The following EOGT variants were observed in gnomAD, a reference collection of about 807,000 sequenced individuals.
EOGT encodes the protein EGF domain specific O-linked N-acetylglucosamine transferase, also known as EGF domain-specific O-linked N-acetylglucosamine transferase.
In EOGT, 55 loss-of-function variants were observed where a neutral mutation model predicts 70.5. The observed-to-expected ratio is 0.78, with a 90% CI of 0.63 to 0.98. EOGT has a LOEUF of 0.98. Among genes scored for constraint, EOGT ranks in the 50% least tolerant of loss-of-function variants. EOGT has a pLI of 0.00. For synonymous variants in EOGT, 246 were observed against 217.1 expected, an observed-to-expected ratio of 1.13 and a Z score of -1.17; for missense variants, 703 against 641.9, an observed-to-expected ratio of 1.10 and a Z score of -1.03.
chr3:69,010,056 T>C (rs2091538956), intron 3 of EOGT, among the ~76,000 whole-genome samples, 196 bp from the exon 4 acceptor site: 1 of 152,088 alleles, frequency 6.6e-6, no homozygotes, highest in South Asian at 2.1e-4. Context: ...AGGCACCACG[T>C]TAGCAAATGG....
intron 13 of EOGT, 75 bp downstream of exon 13, chr3:68,988,220 T>G (rs1472354741): frequency 2.9e-6 from 3 of 1,024,922 alleles, no homozygotes; most frequent in Non-Finnish European, 4.3e-6. Context: ...TATTTCTGTT[T>G]CTGAAAAGGT....
Position 68,987,454 on chromosome 3 carries a change from G to A in EOGT, c.1143C>T (p.Asn381=). 1 of 1,612,804 alleles carries A rather than the reference G, an allele frequency of 6.2e-7. No homozygotes were observed. The highest frequency in any genetic ancestry group is 8.5e-7 in the Non-Finnish European group (1 of 1,179,318). The change falls in exon 14 of 18, where the codon AAC becomes AAT. Residue 381 remains asparagine, a synonymous_variant. Transcript: ENST00000383701. ...CATACCAAAAACTAACCTCATTTTGGTTAAGGATTTTCCGGTATTCTGTGC... is the reference window on the plus strand; with the variant it reads ...CATACCAAAAACTAACCTCATTTTGATTAAGGATTTTCCGGTATTCTGTGC... ...ARSTEYRKIL[N]QNELVNALKT... is the part of the protein sequence containing the mutation.
intron 16 of EOGT, 118 bp downstream of exon 16, chr3:68,979,550 G>A (rs770339496): frequency 7.1e-5 from 81 of 1,148,344 alleles, no homozygotes; most frequent in Non-Finnish European, 9.0e-5. Context: ...TCTATATGAT[G>A]TGACTTCTCT....
intron 10 of EOGT, among the ~76,000 whole-genome samples, chr3:68,993,930 A>G (rs1021321996): frequency 6.6e-6 from 1 of 152,168 alleles, no homozygotes; most frequent in African/African-American, 2.4e-5. Context: ...GGCCCCCAGG[A>G]TTCAATTACC....
At chr3:68,979,343 A>G (rs1369531018) in intron 16 of EOGT, among the ~76,000 whole-genome samples, 1 of 152,242 alleles carries the variant, frequency 6.6e-6, no homozygotes, top group Admixed American at 6.5e-5. Context: ...TTTTAACACA[A>G]TAACTACACT....
At chr3:68,984,511 A>T (rs1015070168) in intron 14 of EOGT, among the ~76,000 whole-genome samples, 3 of 152,130 alleles carry the variant, frequency 2.0e-5, no homozygotes. Flanking sequence ...GTTGGGCAGA[A>T]TTCCACAAGC....
intron 14 of EOGT, among the ~76,000 whole-genome samples, chr3:68,983,562 G>A (rs982439075): frequency 6.6e-6 from 1 of 152,232 alleles, no homozygotes; most frequent in African/African-American, 2.4e-5. Flanking sequence ...GGCATGCACT[G>A]CACTGCAACA....
chr3:68,993,513 CT>C (rs2091055912), intron 10 of EOGT, among the ~76,000 whole-genome samples: 1 of 152,162 alleles, frequency 6.6e-6, no homozygotes, highest in South Asian at 2.1e-4. Flanking sequence ...TTGGGCAAAG[CT>C]ATTCAACAAG....
At chr3:69,001,366 C>G (rs941699299) in intron 9 of EOGT, among the ~76,000 whole-genome samples, 1 of 152,114 alleles carries the variant, frequency 6.6e-6, no homozygotes, top group Non-Finnish European at 1.5e-5. Context: ...CTTCACCTCT[C>G]GTCCTTTGAT....
chr3:68,993,865 C>T (rs2091067591), intron 10 of EOGT, among the ~76,000 whole-genome samples: 3 of 152,190 alleles, frequency 2.0e-5, no homozygotes, highest in Admixed American at 6.6e-5. Context: ...CCTAGATAAA[C>T]CCATCAGATC....
At chr3:69,009,946 A>C (rs1463491640) in intron 3 of EOGT, 86 bp from the exon 4 acceptor site, 7 of 501,686 alleles carry the variant, frequency 1.4e-5, no homozygotes, top group East Asian at 2.9e-5. Context: ...AAAAAAAAAA[A>C]AAACAAAGGG....
chr3:69,004,272 T>C, intron 8 of EOGT, 106 bp downstream of exon 8: 1 of 813,102 alleles, frequency 1.2e-6, no homozygotes, highest in Non-Finnish European at 2.0e-6. Context: ...TGCCAAATTA[T>C]GTACAAATGA....
intron 9 of EOGT, among the ~76,000 whole-genome samples, chr3:68,998,405 C>A (rs770948547): frequency 6.6e-6 from 1 of 152,148 alleles, no homozygotes; most frequent in African/African-American, 2.4e-5. Context: ...CAGAAAAAAA[C>A]AAGGTAGGTC....
At chr3:68,984,956 G>T (rs183658818) in intron 14 of EOGT, among the ~76,000 whole-genome samples, 1 of 151,974 alleles carries the variant, frequency 6.6e-6, no homozygotes, top group Non-Finnish European at 1.5e-5. Context: ...CTTGACTCAC[G>T]CCCCCGTTAC....
Position 68,982,356 on chromosome 3 carries a change from C to CA in EOGT, c.1214+454dup, listed in dbSNP as rs34120168. On this transcript the variant is annotated intron_variant, in intron 15 of 17. Coordinates refer to ENST00000383701, the MANE Select transcript of EOGT (RefSeq NM_001278689.2). ...CCAATATGGTGAAACCTCGTCTCTA[C>CA]AAAAAATACAAAAATTAGCCGGATA... is the stretch of plus-strand genomic sequence containing the variant. Among the ~76,000 whole-genome samples the CA allele has an allele frequency of 1.6e-3, 247 of 149,814 alleles. 1 individual carries two copies. The highest frequency in any genetic ancestry group is 2.8e-3 in the Admixed American group (42 of 15,202).
chr3:68,987,659 C>T, intron 13 of EOGT, 146 bp from the exon 14 acceptor site: 2 of 645,288 alleles, frequency 3.1e-6, no homozygotes, highest in East Asian at 2.8e-5. Flanking sequence ...TTGATTCCTT[C>T]ACCACTCTCA....
chr3:69,007,440 G>A (rs2107382029), intron 6 of EOGT, among the ~76,000 whole-genome samples: 1 of 144,788 alleles, frequency 6.9e-6, no homozygotes, highest in South Asian at 2.1e-4. Context: ...ATCCCTTGAG[G>A]TCAGGAGTTC....
At chr3:68,987,619 G>C in intron 13 of EOGT, 106 bp from the exon 14 acceptor site, 1 of 803,002 alleles carries the variant, frequency 1.2e-6, no homozygotes, top group Non-Finnish European at 2.1e-6. Flanking sequence ...ACTCAACCAG[G>C]ATACATTAAT....
At chr3:68,992,518 G>A (rs2091022488) in intron 10 of EOGT, among the ~76,000 whole-genome samples, 1 of 152,162 alleles carries the variant, frequency 6.6e-6, no homozygotes, top group Non-Finnish European at 1.5e-5. Context: ...GGTTTTGCAG[G>A]GTACAGCCTC....
Sources: allele counts gnomAD v4.1 joint callset (sites outside exome capture counted in the v4.1 genomes callset), GRCh38; gene constraint gnomAD v4.1.1; transcripts MANE v1.5; gene names NCBI Gene and HGNC (gene_info 2026-07-23, HGNC 2026-07-21).